PIK3CB: variants seen among roughly 807,000 people sequenced by gnomAD.
PIK3CB encodes phosphatidylinositol 4,5-bisphosphate 3-kinase catalytic subunit beta isoform.
A neutral mutation model predicts 136.8 loss-of-function variants in PIK3CB; 39 were observed. The observed-to-expected ratio is 0.29, with a 90% CI of 0.22 to 0.37. The LOEUF (loss-of-function observed/expected upper bound fraction) is 0.37, where lower values mean the gene tolerates loss of function less well. PIK3CB is among the 10% of genes least tolerant of loss of function. The pLI, the probability that PIK3CB is intolerant of heterozygous loss-of-function variation, is 1.00. For missense variants in PIK3CB, 868 were observed against 1,275.4 expected (o/e 0.68, Z 4.87); for synonymous variants, 428 against 436.6 (o/e 0.98, Z 0.25).
At chr3:138,728,817 C>G (rs1029973138) in intron 8 of PIK3CB, among the ~76,000 whole-genome samples, 3 of 150,222 alleles carry the variant, frequency 2.0e-5, no homozygotes, top group Admixed American at 1.3e-4. Context: ...TTAAAATATA[C>G]AAATCATCTC....
At chr3:138,783,991 A>G (rs77725754) in intron 2 of PIK3CB, among the ~76,000 whole-genome samples, 1 of 152,234 alleles carries the variant, frequency 6.6e-6, no homozygotes, top group East Asian at 1.9e-4. Flanking sequence ...AACCACACTG[A>G]GATGCCATTT....
At chr3:138,799,572 G>A (rs999188347) in intron 1 of PIK3CB, among the ~76,000 whole-genome samples, 7 of 151,998 alleles carry the variant, frequency 4.6e-5, no homozygotes, top group East Asian at 1.9e-4. Flanking sequence ...CCCTACCTGC[G>A]TTACAACTAT....
chr3:138,700,459 TA>T (rs2044226786), intron 12 of PIK3CB, among the ~76,000 whole-genome samples: 1 of 152,104 alleles, frequency 6.6e-6, no homozygotes, highest in Non-Finnish European at 1.5e-5. Flanking sequence ...AGAGACAGCT[TA>T]AATGGGCTCC....
At chr3:138,731,122 C>G (rs1686916985) in intron 8 of PIK3CB, among the ~76,000 whole-genome samples, 1 of 152,156 alleles carries the variant, frequency 6.6e-6, no homozygotes, top group Admixed American at 6.6e-5. Flanking sequence ...CCCTTTAATT[C>G]CATATCATAT....
At chr3:138,762,279 C>G (rs1284844640) in intron 2 of PIK3CB, among the ~76,000 whole-genome samples, 3 of 152,014 alleles carry the variant, frequency 2.0e-5, no homozygotes. Context: ...CAAACAAAAC[C>G]TATCTTTGAA....
chr3:138,818,177 C>A (rs1933415383), intron 1 of PIK3CB, among the ~76,000 whole-genome samples: 1 of 152,064 alleles, frequency 6.6e-6, no homozygotes, highest in Admixed American at 6.6e-5. Context: ...TTCAGTTTGA[C>A]CAGAGAATAA....
Position 138,681,041 on chromosome 3 carries a change from G to GTTT in PIK3CB, c.2504+923_2504+925dup, listed in dbSNP as rs533702208. Among the ~76,000 whole-genome samples the GTTT allele has an allele frequency of 6.0e-4, 76 of 127,324 alleles. 6 individuals carry two copies. The highest frequency in any genetic ancestry group is 1.6e-3 in the East Asian group (6 of 3,844). 83.5% of individuals were successfully genotyped at this position (127,324 alleles called of 152,430 possible). On this transcript the variant is annotated intron_variant, in intron 19 of 23. Coordinates refer to ENST00000674063, the MANE Select transcript of PIK3CB (RefSeq NM_006219.3). Reference sequence around the variant, plus strand: ...ATTGGAACTGACAATTTTCATGTTAGTTTTTTTTTTGTTTTTTTTTTTTGA... The same window carrying GTTT: ...ATTGGAACTGACAATTTTCATGTTAGTTTTTTTTTTTTTGTTTTTTTTTTTTGA...
chr3:138,742,527 C>T (rs773490454), intron 5 of PIK3CB, 31 bp downstream of exon 5: 2 of 1,106,858 alleles, frequency 1.8e-6, no homozygotes, highest in Non-Finnish European at 2.7e-6. Context: ...AAATTTATTA[C>T]AAAATATTTC....
chr3:138,705,181 C>CAAAAAAAAAAAAAAAAAAAAAAAAA (rs1277322816), intron 11 of PIK3CB, among the ~76,000 whole-genome samples: 1 of 58,528 alleles, frequency 1.7e-5, no homozygotes, highest in Non-Finnish European at 2.9e-5. Context: ...AAACAAAAAA[C>CAAAAAAAAAAAAAAAAAAAAAAAAA]AAAACAAACA....
chr3:138,724,465 T>C (rs893743832), intron 8 of PIK3CB, among the ~76,000 whole-genome samples: 1 of 152,094 alleles, frequency 6.6e-6, no homozygotes, highest in Admixed American at 6.5e-5. Flanking sequence ...GGAGGCTCCA[T>C]TAAGTAGGTA....
intron 14 of PIK3CB, among the ~76,000 whole-genome samples, chr3:138,692,613 T>C (rs2044032940): frequency 6.6e-6 from 1 of 152,252 alleles, no homozygotes; most frequent in African/African-American, 2.4e-5. Context: ...AGCTGTTTCC[T>C]CTTCTCTCAC....
At position 138,733,094 on chromosome 3, in the gene PIK3CB, AG is replaced by A. The variant is rs573438008; in HGVS notation, c.1050+266del. ...TATATATTTCTTCTATATAATATAT[AG>A]AAGAAATATGTAATATATACTGGAA... On this transcript the variant is annotated intron_variant, in intron 8 of 23. Transcript: ENST00000674063. Among the ~76,000 whole-genome samples the A allele has an allele frequency of 3.6e-3, 537 of 150,952 alleles. 2 individuals are homozygous for A. The highest frequency in any genetic ancestry group is 5.5e-3 in the Non-Finnish European group (370 of 67,736).
At chr3:138,718,899 C>T (rs2044667158) in intron 8 of PIK3CB, among the ~76,000 whole-genome samples, 1 of 152,130 alleles carries the variant, frequency 6.6e-6, no homozygotes, top group Non-Finnish European at 1.5e-5. Flanking sequence ...TTCCATTGGT[C>T]TATATGCCTA....
intron 9 of PIK3CB, 68 bp downstream of exon 9, chr3:138,714,400 A>G: frequency 9.2e-7 from 1 of 1,084,734 alleles, no homozygotes; most frequent in Non-Finnish European, 1.3e-6. Flanking sequence ...ATATTACTCA[A>G]TTATTTCAAA....
In PIK3CB at chr3:138,737,765, A is replaced by G. The variant is rs1340898304; in HGVS notation, c.743T>C (p.Leu248Ser). 1 of 1,612,320 alleles carries G rather than the reference A, an allele frequency of 6.2e-7. No individual in the cohort carries two copies. The highest frequency in any genetic ancestry group is 8.5e-7 in the Non-Finnish European group (1 of 1,179,120). The change falls in exon 6 of 24, where the codon TTG becomes TCG. Residue 248 changes from leucine to serine, a missense_variant. Transcript: ENST00000674063. The part of the protein sequence containing the change: ...EDEVSPYDYV[L>S]QVSGRVEYVF... ...ATATTCTACTCTCCCGCTGACTTGC[A>G]ACACATAATCATAGGGGCTAACTTC...
intron 1 of PIK3CB, among the ~76,000 whole-genome samples, chr3:138,822,343 C>G (rs1024330448): frequency 6.6e-6 from 1 of 151,758 alleles, no homozygotes; most frequent in Non-Finnish European, 1.5e-5. Context: ...ATCAGGAGTT[C>G]GAGACCAGCC....
intron 2 of PIK3CB, among the ~76,000 whole-genome samples, chr3:138,771,615 T>C (rs1485984824): frequency 6.6e-6 from 1 of 152,210 alleles, no homozygotes; most frequent in Non-Finnish European, 1.5e-5. Flanking sequence ...TATTAAAGAA[T>C]TGCTATAACA....
At chr3:138,677,689 G>C (rs2043677581) in intron 19 of PIK3CB, among the ~76,000 whole-genome samples, 1 of 152,136 alleles carries the variant, frequency 6.6e-6, no homozygotes, top group African/African-American at 2.4e-5. Flanking sequence ...CTGAAGTCGG[G>C]AGTTCAAGAC....
intron 12 of PIK3CB, among the ~76,000 whole-genome samples, chr3:138,701,398 G>C (rs1182064434): frequency 6.6e-6 from 1 of 152,030 alleles, no homozygotes; most frequent in African/African-American, 2.4e-5. Context: ...ATATAGAACT[G>C]AATCAGTATT....
Sources: allele counts gnomAD v4.1 joint callset (sites outside exome capture counted in the v4.1 genomes callset), GRCh38; gene constraint gnomAD v4.1.1; transcripts MANE v1.5; gene names NCBI Gene and HGNC (gene_info 2026-07-23, HGNC 2026-07-21).